The following CDH22 variants were observed in gnomAD, a reference collection of about 807,000 sequenced individuals.
CDH22 encodes the protein cadherin 22, also known as cadherin-22.
Under a neutral mutation model 58.4 loss-of-function variants are expected in CDH22, and 30 were observed. The ratio of observed to expected loss-of-function variants is 0.51; its 90% CI spans 0.38 to 0.70. The LOEUF is 0.70. CDH22 is among the 30% of genes least tolerant of loss of function. The pLI is 0.00. For missense variants in CDH22, 1,014 were observed against 1,233.9 expected (o/e 0.82, Z 2.67); for synonymous variants, 513 against 558.2 (o/e 0.92, Z 1.14).
chr20:46,250,256 T>C (rs1031527890), intron 2 of CDH22, among the ~76,000 whole-genome samples: 2 of 152,254 alleles, frequency 1.3e-5, no homozygotes, highest in Non-Finnish European at 2.9e-5. Flanking sequence ...AAGCAATGTC[T>C]GTGCTAGGCA....
rs560473709 is a variant in CDH22 at position 46,191,052 on chromosome 20, T to C, written c.1424-4105A>G. ...CTCCTTTGTACCAAGGACTCAGCAG[T>C]GAACAAGACAGCATGGTCTCGTTCT... On this transcript the variant is annotated intron_variant, in intron 8 of 11. Transcript: ENST00000537909. 5.3e-5 allele frequency among the ~76,000 whole-genome samples: 8 copies of C among 152,250 alleles called. No homozygotes were observed. The East Asian group carries it at 1.5e-3, about 29-fold the overall frequency.
rs191868300 is a variant in CDH22 at position 46,225,409 on chromosome 20, A to G, written c.670+2099T>C. 3.6e-3 allele frequency among the ~76,000 whole-genome samples: 546 copies of G among 152,350 alleles called. 5 individuals carry two copies. The highest frequency in any genetic ancestry group is 0.013 in the African/African-American group (526 of 41,582). The stretch of plus-strand genomic sequence containing the variant: ...AAGAGGAAGCCCTTTATGTACTCAT[A>G]TGGAATAATCTTCAAAATGTATTGT... On this transcript the variant is annotated intron_variant, in intron 4 of 11. Transcript: ENST00000537909.
At chr20:46,259,623 G>A (rs1188080862) in intron 1 of CDH22, among the ~76,000 whole-genome samples, 2 of 152,236 alleles carry the variant, frequency 1.3e-5, no homozygotes, top group Non-Finnish European at 2.9e-5. Flanking sequence ...CTCAGAGGAA[G>A]AGCTCCTATC....
intron 7 of CDH22, among the ~76,000 whole-genome samples, chr20:46,200,771 C>A (rs2085954347): frequency 6.6e-6 from 1 of 152,156 alleles, no homozygotes; most frequent in African/African-American, 2.4e-5. Flanking sequence ...CCAGAACACA[C>A]CGGCACAGCA....
intron 4 of CDH22, among the ~76,000 whole-genome samples, chr20:46,218,334 C>A (rs1285824722): frequency 6.6e-6 from 1 of 152,232 alleles, no homozygotes; most frequent in Non-Finnish European, 1.5e-5. Flanking sequence ...CAACCAGTCC[C>A]ACTTTTGGGG....
chr20:46,247,576 G>C (rs1192202416), intron 2 of CDH22, among the ~76,000 whole-genome samples: 1 of 152,184 alleles, frequency 6.6e-6, no homozygotes, highest in African/African-American at 2.4e-5. Flanking sequence ...GATGTGCATA[G>C]GTTATCGGCA....
intron 4 of CDH22, among the ~76,000 whole-genome samples, chr20:46,217,796 CAT>C (rs1425072668): frequency 1.3e-5 from 2 of 152,154 alleles, no homozygotes; most frequent in Non-Finnish European, 2.9e-5. Context: ...CACATTCACA[CAT>C]ACTCTCAAAT....
intron 1 of CDH22, among the ~76,000 whole-genome samples, chr20:46,302,201 C>T (rs1019439664): frequency 2.0e-5 from 3 of 152,202 alleles, no homozygotes; most frequent in South Asian, 4.1e-4. Flanking sequence ...TGCCTGCCTT[C>T]AAGATCTTCT....
At chr20:46,197,091 G>C (rs1269076205) in intron 8 of CDH22, among the ~76,000 whole-genome samples, 1 of 152,130 alleles carries the variant, frequency 6.6e-6, no homozygotes, top group African/African-American at 2.4e-5. Context: ...TCAGACAGCA[G>C]AGAGTGCCCA....
At position 46,251,208 on chromosome 20, in the gene CDH22, C is replaced by T. The variant is rs1166858249; in HGVS notation, c.87G>A (p.Pro29=). 3.4e-6 allele frequency: 5 copies of T among 1,468,066 alleles called. 1 individual carries two copies. Among genetic ancestry groups the T allele is most frequent in the Non-Finnish European group, 4.5e-6 (5 of 1,111,782 alleles). 90.9% of individuals were successfully genotyped at this position (1,468,066 alleles called of 1,614,324 possible). A position where few individuals can be genotyped will look rare whatever the true frequency, so the allele number is the denominator to read the frequency against. ...ALLLLLLLPP[P]PTLLGRLWAA... is the part of the protein sequence containing the mutation. ...CCCACAGGCGCCCCAGCAGCGTCGG[C>T]GGCGGCGGCAGCAGCAGCAGCAGCA... The change falls in exon 2 of 12, where the codon CCG becomes CCA. Residue 29 remains proline (P), a synonymous_variant. Transcript: ENST00000537909. This position sits in a 1 kb window ranked among gnomAD's most constrained non-coding sequence, Gnocchi z 6.7.
rs1031055071 is a variant in CDH22, at chr20:46,174,328, C to A, written c.*178G>T. The stretch of plus-strand genomic sequence containing the variant: ...CCCGCACCTCTGGGCTCCAAAGCTG[C>A]ACCCCTAGAGGAGGAGGAATGGAAG... On this transcript the variant is annotated 3_prime_UTR_variant, in exon 12 of 12. Transcript: ENST00000537909. The surrounding 1 kb of genome is among the most constrained non-coding windows in gnomAD (Gnocchi z 4.4). 2 of 528,856 alleles carry A rather than the reference C, an allele frequency of 3.8e-6. No homozygotes were observed. Among genetic ancestry groups the A allele is most frequent in the Non-Finnish European group, 6.5e-6 (2 of 306,280 alleles). The allele number at this position is 528,856 out of a possible 1,614,324, so 32.8% of individuals were successfully genotyped here. A position where few individuals can be genotyped will look rare whatever the true frequency, so the allele number is the denominator to read the frequency against.
At chr20:46,278,012 C>T (rs932515061) in intron 1 of CDH22, among the ~76,000 whole-genome samples, 1 of 130,086 alleles carries the variant, frequency 7.7e-6, no homozygotes, top group Non-Finnish European at 1.7e-5. Flanking sequence ...GGGCAGGAGG[C>T]GTTGGCCGAG....
intron 4 of CDH22, among the ~76,000 whole-genome samples, chr20:46,219,188 T>A (rs2086107314): frequency 6.6e-6 from 1 of 152,132 alleles, no homozygotes; most frequent in African/African-American, 2.4e-5. Context: ...TTCTGCCTAA[T>A]CAAGGGTCAC....
intron 1 of CDH22, among the ~76,000 whole-genome samples, chr20:46,279,441 C>T (rs141261370): frequency 3.9e-5 from 6 of 152,320 alleles, no homozygotes; most frequent in Admixed American, 3.9e-4. Context: ...TGATGGAACA[C>T]AGCCACTTAA....
chr20:46,187,730 A>G (rs555391571), intron 8 of CDH22, among the ~76,000 whole-genome samples: 8 of 152,136 alleles, frequency 5.3e-5, no homozygotes, highest in Non-Finnish European at 1.0e-4. Context: ...CTGGCCCCCA[A>G]CAACACTGTC....
chr20:46,227,489 G>T lies in CDH22; in HGVS notation c.670+19C>A, dbSNP rs1229231842. On this transcript the variant is annotated intron_variant, in intron 4 of 11. Transcript: ENST00000537909. ...GCCCCGCCCCACGGCTCCGCCTCTGGCCCCGCCCTGCCCCTCACCGGTCTT... is the reference window on the plus strand; with the variant it reads ...GCCCCGCCCCACGGCTCCGCCTCTGTCCCCGCCCTGCCCCTCACCGGTCTT... The T allele has an allele frequency of 1.3e-6, 2 of 1,567,698 alleles. No individual in the cohort carries two copies. Among genetic ancestry groups the T allele is most frequent in the Admixed American group, 3.6e-5 (2 of 55,744 alleles).
rs140219775 is a variant in CDH22, at chr20:46,222,968, G to A, written c.670+4540C>T. Among the ~76,000 whole-genome samples, 12 of 152,372 alleles carry A rather than the reference G, an allele frequency of 7.9e-5. No homozygotes were observed. In the East Asian group the frequency reaches 1.9e-3, roughly 24 times the overall value. ...CCGCATCAGCAGAATATTCCTGGCT[G>A]GGGAACTAGAGCTGGGGCTGGGAAT... On this transcript the variant is annotated intron_variant, in intron 4 of 11. Transcript: ENST00000537909.
At chr20:46,276,600 T>C (rs1764317206) in intron 1 of CDH22, among the ~76,000 whole-genome samples, 2 of 152,268 alleles carry the variant, frequency 1.3e-5, no homozygotes, top group East Asian at 1.9e-4. Context: ...TCAGCAACTA[T>C]ACTGGGAGGA....
At chr20:46,247,384 A>C (rs2086338168) in intron 2 of CDH22, among the ~76,000 whole-genome samples, 1 of 152,200 alleles carries the variant, frequency 6.6e-6, no homozygotes, top group Non-Finnish European at 1.5e-5. Flanking sequence ...TGGGTTCTGC[A>C]TCAGTGAATG....
Sources: gnomAD v4.1 joint callset for allele counts (sites outside exome capture counted in the v4.1 genomes callset) on GRCh38, gnomAD v4.1.1 for gene constraint, Gnocchi (gnomAD v3.1) non-coding constraint, MANE v1.5 for transcripts, NCBI Gene and HGNC (gene_info 2026-07-23, HGNC 2026-07-21) for gene names.